SLC27A6: variants seen among roughly 807,000 people sequenced by gnomAD.
SLC27A6 encodes solute carrier family 27 member 6.
A neutral mutation model predicts 63.9 loss-of-function variants in SLC27A6; 74 were observed. The ratio of observed to expected loss-of-function variants is 1.16; its 90% CI spans 0.96 to 1.40. The LOEUF (loss-of-function observed/expected upper bound fraction) is 1.40. Ranked by LOEUF, SLC27A6 falls within the 40% of genes most tolerant of loss-of-function variation. The probability of loss-of-function intolerance (pLI) is 0.00; values close to 1 mark genes in which losing one functional copy is unlikely to be tolerated. For missense variants in SLC27A6, 794 were observed against 732.9 expected, an observed-to-expected ratio of 1.08 and a Z score of -0.96; for synonymous variants, 287 against 260.8, an observed-to-expected ratio of 1.10 and a Z score of -0.97.
At position 128,990,252 on chromosome 5, in the gene SLC27A6, T is replaced by C. The variant is rs1750931400; in HGVS notation, c.845-88T>C. ...TAAAGTTTTAAAATGAGCAAACATG[T>C]TCTAGACAGAGAAACATCATTCATG... On this transcript the variant is annotated intron_variant, in intron 3 of 9. Coordinates refer to ENST00000262462, the MANE Select transcript of SLC27A6 (RefSeq NM_001017372.3). 7 of 1,331,710 alleles carry C rather than the reference T, an allele frequency of 5.3e-6. No homozygotes were observed. In the East Asian group the frequency reaches 1.6e-4, roughly 31 times the overall value. 82.5% of individuals were successfully genotyped at this position (1,331,710 alleles called of 1,614,324 possible).
At chr5:129,006,087 T>TTTTTTTTTTTTTTTTTTTTTTG in intron 4 of SLC27A6, among the ~76,000 whole-genome samples, 1 of 124,940 alleles carries the variant, frequency 8.0e-6, no homozygotes, top group East Asian at 3.1e-4. Flanking sequence ...TTTTTTTTTT[T>TTTTTTTTTTTTTTTTTTTTTTG]TTTTTTTTTG....
At chr5:129,003,967 C>CAAAAA (rs779667758) in intron 4 of SLC27A6, among the ~76,000 whole-genome samples, 5 of 69,394 alleles carry the variant, frequency 7.2e-5, no homozygotes, top group Non-Finnish European at 1.1e-4. Context: ...GACCCTGTCT[C>CAAAAA]AAAAAAAAAA....
intron 5 of SLC27A6, among the ~76,000 whole-genome samples, chr5:129,023,271 G>A (rs568322645): frequency 1.8e-4 from 27 of 151,942 alleles, no homozygotes; most frequent in South Asian, 1.2e-3. Flanking sequence ...TTAAATAAAT[G>A]GCTGCAGAAA....
intron 4 of SLC27A6, among the ~76,000 whole-genome samples, chr5:129,003,121 G>A (rs1157242277): frequency 6.6e-6 from 1 of 152,160 alleles, no homozygotes; most frequent in Admixed American, 6.5e-5. Context: ...GTGTGTGCGT[G>A]TGCCTGTGCA....
intron 5 of SLC27A6, among the ~76,000 whole-genome samples, chr5:129,021,262 G>A (rs1315218538): frequency 1.3e-5 from 2 of 151,382 alleles, no homozygotes; most frequent in Non-Finnish European, 2.9e-5. Flanking sequence ...CCTCCCAGAA[G>A]CCAGGACCTC....
At chr5:128,967,475 A>G (rs963212831) in intron 1 of SLC27A6, among the ~76,000 whole-genome samples, 1 of 151,332 alleles carries the variant, frequency 6.6e-6, no homozygotes, top group African/African-American at 2.4e-5. Context: ...CAAGGACCAT[A>G]ATGAAAATAT....
chr5:129,019,049 T>A lies in SLC27A6; in HGVS notation c.1164+2970T>A, dbSNP rs149212697. ...TAACCTAATGGAGGCTCATGCTTAT[T>A]ATCTGGGAGGGAAGCAGCCTCCAGA... is the stretch of plus-strand genomic sequence containing the variant. On this transcript the variant is annotated intron_variant, in intron 5 of 9. Coordinates refer to ENST00000262462, the MANE Select transcript of SLC27A6 (RefSeq NM_001017372.3). Among the ~76,000 whole-genome samples the A allele has an allele frequency of 3.3e-5, 5 of 152,228 alleles. No individual in the cohort carries two copies. In the East Asian group the frequency reaches 9.7e-4, roughly 29 times the overall value.
chr5:128,996,092 G>A (rs1380453200), intron 4 of SLC27A6, among the ~76,000 whole-genome samples: 1 of 152,170 alleles, frequency 6.6e-6, no homozygotes, highest in East Asian at 1.9e-4. Flanking sequence ...TAGGCAATTG[G>A]ATGTAGGAAT....
chr5:128,980,317 T>C (rs947218888), intron 1 of SLC27A6, among the ~76,000 whole-genome samples: 2 of 152,230 alleles, frequency 1.3e-5, no homozygotes, highest in African/African-American at 4.8e-5. Flanking sequence ...ACTGTATAAG[T>C]TGTATGGAGT....
chr5:128,967,717 T>G (rs2150124806), intron 1 of SLC27A6, among the ~76,000 whole-genome samples: 1 of 152,290 alleles, frequency 6.6e-6, no homozygotes, highest in African/African-American at 2.4e-5. Flanking sequence ...TCAGTTCAAC[T>G]TGTGGTCTGA....
rs953998551 is a variant in SLC27A6, at chr5:128,988,642, G to C, written c.728G>C (p.Arg243Thr). Residue 243 changes from arginine (R) to threonine (T), a missense_variant, in exon 3 of 10, where the codon AGG (arginine) becomes ACG (threonine). Coordinates refer to ENST00000262462, the MANE Select transcript of SLC27A6 (RefSeq NM_001017372.3). ...AAVISQLQVL[R>T]GSAVLWAFGC... Reference sequence around the variant, plus strand: ...GTGATTAGTCAGCTGCAGGTTTTAAGGGGTTCTGCTGTCCTGTGGGCTTTT... The same window carrying C: ...GTGATTAGTCAGCTGCAGGTTTTAACGGGTTCTGCTGTCCTGTGGGCTTTT... 1 of 1,614,082 alleles carries C rather than the reference G, an allele frequency of 6.2e-7. No individual in the cohort carries two copies. The highest frequency in any genetic ancestry group is 8.5e-7 in the Non-Finnish European group (1 of 1,179,984).
chr5:128,980,058 C>T (rs888544918), intron 1 of SLC27A6, among the ~76,000 whole-genome samples: 2 of 152,180 alleles, frequency 1.3e-5, no homozygotes, highest in Non-Finnish European at 2.9e-5. Context: ...AAGCACTTCT[C>T]CCATGTAAGG....
intron 1 of SLC27A6, among the ~76,000 whole-genome samples, chr5:128,982,519 G>A (rs555322639): frequency 4.7e-4 from 72 of 152,152 alleles, no homozygotes; most frequent in African/African-American, 1.6e-3. Flanking sequence ...ATATCATTAA[G>A]AACATATAAA....
intron 8 of SLC27A6, 78 bp from the exon 9 acceptor site, chr5:129,029,499 G>T (rs1342011718): frequency 2.1e-6 from 2 of 931,912 alleles, no homozygotes; most frequent in Non-Finnish European, 3.3e-6. Context: ...CTCCATGTGT[G>T]CCAATTAGCA....
At chr5:129,026,668 T>A (rs957466138) in intron 6 of SLC27A6, among the ~76,000 whole-genome samples, 1 of 152,132 alleles carries the variant, frequency 6.6e-6, no homozygotes, top group African/African-American at 2.4e-5. Context: ...AAATAGGGAT[T>A]ATATCAAAGG....
chr5:129,023,656 C>T lies in SLC27A6; in HGVS notation c.1201C>T (p.Gln401Ter), dbSNP rs144757075. The T allele has an allele frequency of 2.9e-5, 46 of 1,607,184 alleles. No individual in the cohort carries two copies. The highest frequency in any genetic ancestry group is 3.7e-5 in the Non-Finnish European group (44 of 1,177,504). Residue 401 changes from glutamine (Q) to a stop codon, truncating the protein, a stop_gained, in exon 6 of 10, where the codon CAG becomes TAG. Transcript: ENST00000262462. LOFTEE classifies it high-confidence loss of function. ...STFDLIKYDF[Q>*]KDEPMRNEQG... ...TTTTGACTTAATAAAGTATGACTTT[C>T]AGAAAGATGAACCCATGAGAAATGA...
At chr5:129,003,837 G>A (rs2150143337) in intron 4 of SLC27A6, among the ~76,000 whole-genome samples, 1 of 151,892 alleles carries the variant, frequency 6.6e-6, no homozygotes, top group Non-Finnish European at 1.5e-5. Flanking sequence ...GTGTGGTGGT[G>A]CATGCCTGTA....
At chr5:128,983,164 A>G (rs890504839) in intron 1 of SLC27A6, among the ~76,000 whole-genome samples, 3 of 152,206 alleles carry the variant, frequency 2.0e-5, no homozygotes, top group Non-Finnish European at 2.9e-5. Flanking sequence ...TCTGAATTCA[A>G]ACTCAAAGCA....
chr5:129,025,262 G>T (rs1467291552), intron 6 of SLC27A6, among the ~76,000 whole-genome samples: 1 of 151,974 alleles, frequency 6.6e-6, no homozygotes, highest in African/African-American at 2.4e-5. Flanking sequence ...AATACACTGT[G>T]ACCTATTTAA....
Sources: gnomAD v4.1 joint callset for allele counts (sites outside exome capture counted in the v4.1 genomes callset) on GRCh38, gnomAD v4.1.1 for gene constraint, MANE v1.5 for transcripts, NCBI Gene and HGNC (gene_info 2026-07-23, HGNC 2026-07-21) for gene names.